TACC2: variants seen among roughly 807,000 people sequenced by gnomAD.
TACC2 encodes the protein transforming acidic coiled-coil-containing protein 2.
TACC2 carries 137 observed loss-of-function variants against 227.3 expected under a neutral mutation model. That is an observed-to-expected ratio of 0.60 (90% confidence interval 0.52 to 0.69). The LOEUF (loss-of-function observed/expected upper bound fraction) is 0.69. Among genes scored for constraint, TACC2 ranks in the 30% least tolerant of loss-of-function variants. TACC2 has a pLI of 0.00. For missense variants in TACC2, 3,470 were observed against 3,694.4 expected (o/e 0.94, Z 1.57); for synonymous variants, 1,523 against 1,487.5 (o/e 1.02, Z -0.55).
chr10:122,129,621 CA>C (rs1282463798), intron 5 of TACC2, among the ~76,000 whole-genome samples: 3 of 152,166 alleles, frequency 2.0e-5, no homozygotes, highest in Admixed American at 1.3e-4. Context: ...TTTTTCCACT[CA>C]GATTTTATGA....
Position 122,050,628 on chromosome 10 carries a change from C to T in TACC2, c.146+78C>T, listed in dbSNP as rs2075568933. 5 of 1,224,500 alleles carry T rather than the reference C, an allele frequency of 4.1e-6. No homozygotes were observed. The highest frequency in any genetic ancestry group is 3.0e-5 in the African/African-American group (2 of 66,118). 75.9% of individuals were successfully genotyped at this position (1,224,500 alleles called of 1,614,324 possible). On this transcript the variant is annotated intron_variant, in intron 3 of 22. Coordinates refer to ENST00000369005, the MANE Select transcript of TACC2 (RefSeq NM_206862.4). This position sits in a 1 kb window ranked among gnomAD's most constrained non-coding sequence, Gnocchi z 4.6. ...TGCCTGCTCCAGCATTAGCTTTGCC[C>T]CATTTGCTTTGGAAACTGGACCCTT...
chr10:122,242,520 T>C (rs1389211478), intron 19 of TACC2, among the ~76,000 whole-genome samples: 1 of 152,184 alleles, frequency 6.6e-6, no homozygotes, highest in East Asian at 1.9e-4. Context: ...TCACTGAGAT[T>C]GGACGCTGCC....
intron 1 of TACC2, among the ~76,000 whole-genome samples, chr10:121,998,794 A>G (rs1953902556): frequency 6.6e-6 from 1 of 152,198 alleles, no homozygotes; most frequent in African/African-American, 2.4e-5. Context: ...TATAAAGTTC[A>G]GGAATGACTG....
intron 5 of TACC2, among the ~76,000 whole-genome samples, chr10:122,096,637 A>G (rs112847771): frequency 0.017 from 2,478 of 149,526 alleles, 82 homozygotes; most frequent in African/African-American, 0.059. Flanking sequence ...CAGAGGTTGC[A>G]GTGAACTGAG....
Position 122,014,983 on chromosome 10 carries a change from C to A in TACC2, c.-45-6954C>A, listed in dbSNP as rs529618039. On this transcript the variant is annotated intron_variant, in intron 1 of 22. Coordinates refer to ENST00000369005, the MANE Select transcript of TACC2 (RefSeq NM_206862.4). The stretch of plus-strand genomic sequence containing the variant: ...TTATCTTTGAATTCTTTGCAAAAAT[C>A]TTCTCAAGGTGGTAGTGTCATATTG... 2.0e-5 allele frequency among the ~76,000 whole-genome samples: 3 copies of A among 152,194 alleles called. No homozygotes were observed. The South Asian group carries it at 6.2e-4, about 32-fold the overall frequency.
intron 3 of TACC2, among the ~76,000 whole-genome samples, chr10:122,071,939 A>T (rs1296113652): frequency 1.3e-5 from 2 of 150,282 alleles, no homozygotes; most frequent in Non-Finnish European, 3.0e-5. Context: ...TTGGGGTTTA[A>T]TCCACATCCG....
intron 5 of TACC2, among the ~76,000 whole-genome samples, chr10:122,115,882 G>T (rs138182143): frequency 3.3e-5 from 5 of 152,260 alleles, no homozygotes; most frequent in Non-Finnish European, 5.9e-5. Flanking sequence ...GGTGGTTTAG[G>T]AAGCTGGCAA....
intron 2 of TACC2, among the ~76,000 whole-genome samples, chr10:122,039,770 C>T (rs61877061): frequency 0.05 from 7,570 of 152,330 alleles, 262 homozygotes; most frequent in Non-Finnish European, 0.08. Flanking sequence ...GTCTTACCTT[C>T]CTATCCTGCC....
chr10:122,134,521 A>G (rs1280704026), intron 6 of TACC2, among the ~76,000 whole-genome samples: 1 of 152,198 alleles, frequency 6.6e-6, no homozygotes, highest in Admixed American at 6.5e-5. Flanking sequence ...TTAACTTCTT[A>G]AAGGAAAAAC....
chr10:122,025,524 GT>G lies in TACC2; in HGVS notation c.33+3511del, dbSNP rs546615970. Among the ~76,000 whole-genome samples, 30 of 151,986 alleles carry G rather than the reference GT, an allele frequency of 2.0e-4. No homozygotes were observed. In the East Asian group the frequency reaches 5.8e-3, roughly 30 times the overall value. On this transcript the variant is annotated intron_variant, in intron 2 of 22. Coordinates refer to ENST00000369005, the MANE Select transcript of TACC2 (RefSeq NM_206862.4). Reference sequence around the variant, plus strand: ...GATCCGCCCACCTCAGCCTCTCAAAGTGCTGAGATTACAGGCTTGAGCCACT... The same window carrying G: ...GATCCGCCCACCTCAGCCTCTCAAAGGCTGAGATTACAGGCTTGAGCCACT...
intron 22 of TACC2, 28 bp downstream of exon 22, chr10:122,249,692 G>A (rs767972074): frequency 6.3e-7 from 1 of 1,598,612 alleles, no homozygotes; most frequent in African/African-American, 1.3e-5. Context: ...TGGCCTCCAG[G>A]TGGGCCGGGC....
intron 11 of TACC2, chr10:122,217,053 C>A: frequency 2.4e-6 from 2 of 839,734 alleles, no homozygotes; most frequent in Non-Finnish European, 3.6e-6. Context: ...TAAGAGCCAG[C>A]ACGGTGCCCT....
rs370548871 is a variant in TACC2 at position 122,111,656 on chromosome 10, AT to A, written c.5574-20942del. Among the ~76,000 whole-genome samples, 639 of 147,504 alleles carry A rather than the reference AT, an allele frequency of 4.3e-3. 3 individuals carry two copies. Among genetic ancestry groups the A allele is most frequent in the Non-Finnish European group, 7.0e-3 (465 of 66,858 alleles). On this transcript the variant is annotated intron_variant, in intron 5 of 22. Coordinates refer to ENST00000369005, the MANE Select transcript of TACC2 (RefSeq NM_206862.4). ...CAGGCACACACCATCATGCCCAGCT[AT>A]TTTTTTTTTTGTATTTTTAGTAGAG...
At chr10:122,151,478 G>T (rs1427824540) in intron 7 of TACC2, among the ~76,000 whole-genome samples, 1 of 152,124 alleles carries the variant, frequency 6.6e-6, no homozygotes. Context: ...ACTAGAGGGA[G>T]GTACGGCGGT....
At chr10:122,080,097 G>C (rs1308800637) in intron 3 of TACC2, among the ~76,000 whole-genome samples, 1 of 152,154 alleles carries the variant, frequency 6.6e-6, no homozygotes, top group Admixed American at 6.5e-5. Context: ...CAGGGTGCTG[G>C]TGGAGTTGGT....
Position 122,174,656 on chromosome 10 carries a change from T to G in TACC2, c.5835-20384T>G, listed in dbSNP as rs769414340. Among the ~76,000 whole-genome samples, 86 of 152,202 alleles carry G rather than the reference T, an allele frequency of 5.7e-4. 1 individual carries two copies. The highest frequency in any genetic ancestry group is 1.0e-3 in the Non-Finnish European group (70 of 68,034). On this transcript the variant is annotated intron_variant, in intron 7 of 22. Coordinates refer to ENST00000369005, the MANE Select transcript of TACC2 (RefSeq NM_206862.4). ...TGTAGAATGGCTAAATCAAGCTAATTAATGTATTACCTCCCCTCCTTTTTG... is the reference window on the plus strand; with the variant it reads ...TGTAGAATGGCTAAATCAAGCTAATGAATGTATTACCTCCCCTCCTTTTTG...
At chr10:122,245,969 C>G (rs1290893281) in intron 19 of TACC2, among the ~76,000 whole-genome samples, 3 of 149,924 alleles carry the variant, frequency 2.0e-5, no homozygotes, top group African/African-American at 7.6e-5. Flanking sequence ...CTGGGCAGCT[C>G]TGGGCTCCAG....
chr10:122,153,466 C>T (rs1282767361), intron 7 of TACC2, among the ~76,000 whole-genome samples: 1 of 152,218 alleles, frequency 6.6e-6, no homozygotes, highest in African/African-American at 2.4e-5. Context: ...CATCTCATAT[C>T]TGTGGACTCC....
chr10:122,192,070 C>G (rs182126853), intron 7 of TACC2, among the ~76,000 whole-genome samples: 1 of 152,196 alleles, frequency 6.6e-6, no homozygotes, highest in East Asian at 1.9e-4. Flanking sequence ...TGCCATCCAC[C>G]TCCTCTAATT....
Sources: gnomAD v4.1 joint callset for allele counts (sites outside exome capture counted in the v4.1 genomes callset) on GRCh38, gnomAD v4.1.1 for gene constraint, Gnocchi (gnomAD v3.1) non-coding constraint, MANE v1.5 for transcripts, NCBI Gene and HGNC (gene_info 2026-07-23, HGNC 2026-07-21) for gene names.